ARID4B: variants seen among roughly 807,000 people sequenced by gnomAD.
ARID4B encodes AT-rich interactive domain-containing protein 4B.
A neutral mutation model predicts 147.5 loss-of-function variants in ARID4B; 26 were observed. The observed-to-expected ratio is 0.18, with a 90% CI of 0.13 to 0.24. The LOEUF is 0.24. ARID4B is among the 10% of genes least tolerant of loss of function. The pLI is 1.00. For missense variants in ARID4B, 1,179 were observed against 1,511.5 expected (o/e 0.78, Z 3.65); for synonymous variants, 512 against 507.9 (o/e 1.01, Z -0.11).
intron 2 of ARID4B, among the ~76,000 whole-genome samples, chr1:235,303,682 T>TG (rs2103254926): frequency 6.6e-6 from 1 of 152,300 alleles, no homozygotes; most frequent in Non-Finnish European, 1.5e-5. Context: ...TGAGCTATGA[T>TG]CATGCCATTG....
intron 10 of ARID4B, among the ~76,000 whole-genome samples, chr1:235,230,201 A>G (rs1211314648): frequency 6.6e-6 from 1 of 152,138 alleles, no homozygotes; most frequent in African/African-American, 2.4e-5. Context: ...GGACTGCCTG[A>G]GCTCAGGAGT....
At chr1:235,266,208 G>A (rs1195428527) in intron 2 of ARID4B, among the ~76,000 whole-genome samples, 2 of 152,030 alleles carry the variant, frequency 1.3e-5, no homozygotes, top group African/African-American at 4.8e-5. Flanking sequence ...GTATTTTGAG[G>A]TTAATTTACT....
chr1:235,191,438 T>A (rs1293033715), intron 19 of ARID4B, among the ~76,000 whole-genome samples: 1 of 151,850 alleles, frequency 6.6e-6, no homozygotes, highest in Non-Finnish European at 1.5e-5. Context: ...TTTTTTTTAG[T>A]AGAGACAGGG....
At chr1:235,181,133 A>G in intron 20 of ARID4B, 3 of 1,024,852 alleles carry the variant, frequency 2.9e-6, no homozygotes, top group Non-Finnish European at 3.5e-6. Flanking sequence ...GTGCCTGGAC[A>G]GTTGGTTGCT....
At chr1:235,268,598 G>A (rs563348196) in intron 2 of ARID4B, among the ~76,000 whole-genome samples, 5 of 151,894 alleles carry the variant, frequency 3.3e-5, no homozygotes, top group Admixed American at 6.6e-5. Flanking sequence ...GTGTGATATC[G>A]GCTCACTGTA....
rs747983342 is a variant in ARID4B, at chr1:235,252,826, A to C, written c.275-17T>G. Reference sequence around the variant, plus strand: ...CATCAAAAACTATGAGAGGGGGTAAAAATGGAAGCTACTGAAGGATTTTTT... The same window carrying C: ...CATCAAAAACTATGAGAGGGGGTAACAATGGAAGCTACTGAAGGATTTTTT... On this transcript the variant is annotated splice_polypyrimidine_tract_variant and intron_variant, in intron 5 of 23. Transcript: ENST00000264183. The C allele has an allele frequency of 3.1e-6, 5 of 1,602,922 alleles. No homozygotes were observed. In the Admixed American group the frequency reaches 6.8e-5, roughly 22 times the overall value.
intron 11 of ARID4B, chr1:235,228,587 G>A (rs1421777231): frequency 2.7e-5 from 4 of 150,894 alleles, no homozygotes; most frequent in Admixed American, 2.0e-4. Context: ...AAAGTGCTAC[G>A]ATTATGGTCG....
rs1432070139 is a variant in ARID4B at position 235,181,875 on chromosome 1, C to A, written c.3044G>T (p.Gly1015Val). 1 of 1,614,158 alleles carries A rather than the reference C, an allele frequency of 6.2e-7. No homozygotes were observed. The highest frequency in any genetic ancestry group is 8.5e-7 in the Non-Finnish European group (1 of 1,180,024). ...NDRKAEFPSS[G>V]SNSVLNTPPT... Reference sequence around the variant, plus strand: ...AGGGGTATTTAGCACTGAATTACTGCCACTACTTGGAAATTCTGCTTTTCT... The same window carrying A: ...AGGGGTATTTAGCACTGAATTACTGACACTACTTGGAAATTCTGCTTTTCT... The change falls in exon 20 of 24, where the codon GGC becomes GTC. Residue 1015 changes from glycine (G) to valine (V), a missense_variant. By Grantham distance (109) the Gly-to-Val change is moderately radical (BLOSUM62 -3). Around this residue, in one of 10 missense-constraint regions of ARID4B, gnomAD observed 357 missense variants for 427.3 expected, o/e 0.84. Transcript: ENST00000264183.
chr1:235,210,557 C>CAAT lies in ARID4B; in HGVS notation c.1841+3211_1841+3212insATT, dbSNP rs1292572803. ...TATCAATAAGACAGACTGATTATTG[C>CAAT]AGAAAGAAATAAAATAGTTATGTTA... On this transcript the variant is annotated intron_variant, in intron 17 of 23. Coordinates refer to ENST00000264183, the MANE Select transcript of ARID4B (RefSeq NM_016374.6). Among the ~76,000 whole-genome samples the CAAT allele has an allele frequency of 3.9e-5, 6 of 152,186 alleles. No individual in the cohort carries two copies. The South Asian group carries it at 1.0e-3, about 26-fold the overall frequency.
intron 8 of ARID4B, among the ~76,000 whole-genome samples, chr1:235,238,847 T>C (rs1668794199): frequency 6.8e-6 from 1 of 146,110 alleles, no homozygotes; most frequent in Non-Finnish European, 1.5e-5. Flanking sequence ...GGAGTAAGCC[T>C]CTGTCTCCGG....
At chr1:235,187,215 G>A in intron 19 of ARID4B, 1 of 232,838 alleles carries the variant, frequency 4.3e-6, no homozygotes, top group Non-Finnish European at 8.5e-6. Context: ...CCAAGCAGCT[G>A]GAACTACAGG....
chr1:235,250,947 G>T lies in ARID4B; in HGVS notation c.354+1783C>A, dbSNP rs1156258776. On this transcript the variant is annotated intron_variant, in intron 6 of 23. Coordinates refer to ENST00000264183, the MANE Select transcript of ARID4B (RefSeq NM_016374.6). ...AAATGCAGACCTTCACTTAACAGGA[G>T]AAAAACCATGTCTTCAAGTCCTCAT... is the stretch of plus-strand genomic sequence containing the variant. 2.0e-5 allele frequency among the ~76,000 whole-genome samples: 3 copies of T among 152,286 alleles called. No individual in the cohort carries two copies. The South Asian group carries it at 6.2e-4, about 32-fold the overall frequency.
At chr1:235,252,704 T>G in intron 6 of ARID4B, 26 bp downstream of exon 6, 1 of 1,594,802 alleles carries the variant, frequency 6.3e-7, no homozygotes, top group Non-Finnish European at 8.6e-7. Flanking sequence ...TATTAAGACA[T>G]GTTCATTTGT....
chr1:235,245,870 A>G (rs1669271658), intron 7 of ARID4B, among the ~76,000 whole-genome samples: 1 of 152,210 alleles, frequency 6.6e-6, no homozygotes, highest in African/African-American at 2.4e-5. Flanking sequence ...AAGATTAAGT[A>G]ACCATCCCAA....
rs887681768 is a variant in ARID4B at position 235,220,899 on chromosome 1, T to G, written c.1164-354A>C. Among the ~76,000 whole-genome samples, 290 of 147,352 alleles carry G rather than the reference T, an allele frequency of 2.0e-3. 1 individual carries two copies. Among genetic ancestry groups the G allele is most frequent in the African/African-American group, 6.1e-3 (242 of 39,878 alleles). On this transcript the variant is annotated intron_variant, in intron 14 of 23. Coordinates refer to ENST00000264183, the MANE Select transcript of ARID4B (RefSeq NM_016374.6). Reference sequence around the variant, plus strand: ...GCAGCATCCTTTTTTTGTTTTTTTTTGTTTTTTTTTGTTTTTTTGAGACAG... The same window carrying G: ...GCAGCATCCTTTTTTTGTTTTTTTTGGTTTTTTTTTGTTTTTTTGAGACAG...
intron 2 of ARID4B, among the ~76,000 whole-genome samples, chr1:235,290,378 G>A (rs966899643): frequency 6.6e-6 from 1 of 151,508 alleles, no homozygotes; most frequent in Non-Finnish European, 1.5e-5. Flanking sequence ...GGGAGGCAGA[G>A]GTTGCAGTGA....
intron 2 of ARID4B, among the ~76,000 whole-genome samples, chr1:235,273,643 G>A (rs867678702): frequency 6.6e-6 from 1 of 152,088 alleles, no homozygotes; most frequent in African/African-American, 2.4e-5. Flanking sequence ...TTATTCTTAC[G>A]GAACTGTACA....
intron 2 of ARID4B, among the ~76,000 whole-genome samples, chr1:235,312,763 G>A (rs760993109): frequency 1.3e-5 from 2 of 152,002 alleles, no homozygotes; most frequent in East Asian, 1.9e-4. Flanking sequence ...ACCTGAGCTC[G>A]GGAGTTTGAG....
intron 17 of ARID4B, 126 bp downstream of exon 17, chr1:235,213,643 T>G: frequency 9.5e-7 from 1 of 1,054,872 alleles, no homozygotes; most frequent in Non-Finnish European, 1.3e-6. Flanking sequence ...AAAAACTATT[T>G]TTTATAAGGT....
Sources: gnomAD v4.1 joint callset for allele counts (sites outside exome capture counted in the v4.1 genomes callset) on GRCh38, gnomAD v4.1.1 for gene constraint, gnomAD v4.1.1 regional missense constraint, MANE v1.5 for transcripts, NCBI Gene and HGNC (gene_info 2026-07-23, HGNC 2026-07-21) for gene names.